Variants in DNAH10 observed in about 807,000 individuals in gnomAD.
The protein encoded by DNAH10 is dynein axonemal heavy chain 10.
A neutral mutation model predicts 506.6 loss-of-function variants in DNAH10; 348 were observed. The observed-to-expected ratio is 0.69, with a 90% CI of 0.63 to 0.75. The LOEUF (loss-of-function observed/expected upper bound fraction) is 0.75, where lower values mean the gene tolerates loss of function less well. Ranked by LOEUF, DNAH10 falls within the 30% of genes least tolerant of loss-of-function variation. DNAH10 has a pLI of 0.00. For synonymous variants in DNAH10, 2,059 were observed against 2,198.6 expected (o/e 0.94, Z 1.78); for missense variants, 5,179 against 5,787.1 (o/e 0.89, Z 3.41).
In DNAH10 at chr12:123,819,159, C is replaced by A. The variant is rs758638573; in HGVS notation, c.3909C>A (p.Gly1303=). 4.5e-5 allele frequency: 72 copies of A among 1,613,066 alleles called. No homozygotes were observed. Among genetic ancestry groups the A allele is most frequent in the Non-Finnish European group, 5.8e-5 (69 of 1,179,614 alleles). Residue 1303 remains glycine, a synonymous_variant, in exon 23 of 79, where the codon GGC becomes GGA. Transcript: ENST00000673944. ...IKRTFTELTR[G]EIMNYRVQIE... ...CTCGTTTTTCTCAGCTTACTCGAGG[C>A]GAAATAATGAACTACAGAGTTCAGA... is the stretch of plus-strand genomic sequence containing the variant.
At chr12:123,867,406 C>G in intron 41 of DNAH10, 61 bp from the exon 42 acceptor site, 1 of 1,547,208 alleles carries the variant, frequency 6.5e-7, no homozygotes, top group Non-Finnish European at 8.7e-7. Context: ...AAAAGCTTTC[C>G]ACTAACTTCC....
At chr12:123,828,212 C>T (rs1960185248) in intron 25 of DNAH10, among the ~76,000 whole-genome samples, 1 of 151,772 alleles carries the variant, frequency 6.6e-6, no homozygotes, top group South Asian at 2.1e-4. Context: ...AAAACAGTCG[C>T]CTGTCTCTGA....
intron 56 of DNAH10, among the ~76,000 whole-genome samples, chr12:123,899,860 G>C (rs112961901): frequency 6.6e-6 from 1 of 152,062 alleles, no homozygotes; most frequent in African/African-American, 2.4e-5. Context: ...TTCTTAACTC[G>C]ACCATCATTA....
Position 123,879,185 on chromosome 12 carries a change from CTGT to C in DNAH10, c.8373-78_8373-76del. The C allele has an allele frequency of 4.1e-6, 5 of 1,224,258 alleles. 1 individual carries two copies. Among genetic ancestry groups the C allele is most frequent in the Admixed American group, 4.1e-5 (2 of 48,444 alleles). The allele number at this position is 1,224,258 out of a possible 1,614,324, so 75.8% of individuals were successfully genotyped here. A position where few individuals can be genotyped will look rare whatever the true frequency, so the allele number is the denominator to read the frequency against. The stretch of plus-strand genomic sequence containing the variant: ...CCTTTATTGCGCTCTGTGTGTCTGT[CTGT>C]CTGAATGTCACAGCCGTCAGCCCTG... On this transcript the variant is annotated intron_variant, in intron 48 of 78. Coordinates refer to ENST00000673944, the MANE Select transcript of DNAH10 (RefSeq NM_001372106.1).
intron 10 of DNAH10, among the ~76,000 whole-genome samples, chr12:123,789,004 CTT>C (rs960706999): frequency 9.8e-4 from 149 of 151,828 alleles, no homozygotes; most frequent in African/African-American, 3.4e-3. Context: ...AATCCCAGCA[CTT>C]TGGGAGGCCA....
At chr12:123,765,045 T>C (rs1416964027) in intron 1 of DNAH10, among the ~76,000 whole-genome samples, 4 of 152,088 alleles carry the variant, frequency 2.6e-5, no homozygotes, top group Admixed American at 2.0e-4. Flanking sequence ...TCAGAGGACC[T>C]GCAGAGAGCC....
At position 123,772,893 on chromosome 12, in the gene DNAH10, C is replaced by T. The variant is rs747117521; in HGVS notation, c.456C>T (p.Pro152=). ...TCCACATGCTCTGTACCCCTCTTCC[C>T]GAGGAGTTCCTGGACCAAAACGTGG... ...MHLHMLCTPL[P]EEFLDQNVVF... Residue 152 remains proline, a synonymous_variant, in exon 4 of 79, where the codon CCC becomes CCT. Coordinates refer to ENST00000673944, the MANE Select transcript of DNAH10 (RefSeq NM_001372106.1). The T allele has an allele frequency of 8.1e-6, 13 of 1,612,918 alleles. No individual in the cohort carries two copies. The highest frequency in any genetic ancestry group is 1.1e-5 in the Non-Finnish European group (13 of 1,179,570).
rs535744707 is a variant in DNAH10, at chr12:123,903,030, G to C, written c.9732G>C (p.Thr3244=). 1.9e-6 allele frequency: 3 copies of C among 1,607,912 alleles called. No individual in the cohort carries two copies. The African/African-American group carries it at 4.0e-5, about 22-fold the overall frequency. ...VIAMEKAEAE[T]TLAEVMPILE... is the part of the protein sequence containing the mutation. ...CCATGGAGAAGGCCGAGGCCGAGACGACCCTGGCAGAGGTCATGCCCATCC... is the reference window on the plus strand; with the variant it reads ...CCATGGAGAAGGCCGAGGCCGAGACCACCCTGGCAGAGGTCATGCCCATCC... The change falls in exon 57 of 79, where the codon ACG becomes ACC. Residue 3244 remains threonine, a synonymous_variant. Coordinates refer to ENST00000673944, the MANE Select transcript of DNAH10 (RefSeq NM_001372106.1). This position sits in a 1 kb window ranked among gnomAD's most constrained non-coding sequence, Gnocchi z 4.6.
At chr12:123,779,810 G>T (rs1957576600) in intron 5 of DNAH10, among the ~76,000 whole-genome samples, 1 of 152,106 alleles carries the variant, frequency 6.6e-6, no homozygotes, top group South Asian at 2.1e-4. Context: ...TCAGTATGTT[G>T]CAGGAAATAC....
chr12:123,768,452 T>C (rs1015852241), intron 2 of DNAH10, among the ~76,000 whole-genome samples: 5 of 152,136 alleles, frequency 3.3e-5, no homozygotes, highest in African/African-American at 1.2e-4. Flanking sequence ...CTCCCTCTTA[T>C]ACAGGCACCA....
chr12:123,803,901 T>TAG, intron 17 of DNAH10, 76 bp downstream of exon 17: 1 of 1,361,352 alleles, frequency 7.3e-7, no homozygotes, highest in Non-Finnish European at 1.0e-6. Context: ...TGTGTATATA[T>TAG]GTACCTATAA....
chr12:123,824,181 C>G lies in DNAH10; in HGVS notation c.4180-2506C>G, dbSNP rs1385064190. 2.0e-5 allele frequency among the ~76,000 whole-genome samples: 3 copies of G among 152,086 alleles called. No homozygotes were observed. In the East Asian group the frequency reaches 5.8e-4, roughly 29 times the overall value. ...TGGTTTGCAGGTAGAGTCAGTGGGA[C>G]CTCCTGGAGGTGTGGATGTGGGATG... is the stretch of plus-strand genomic sequence containing the variant. On this transcript the variant is annotated intron_variant, in intron 24 of 78. Coordinates refer to ENST00000673944, the MANE Select transcript of DNAH10 (RefSeq NM_001372106.1).
intron 28 of DNAH10, among the ~76,000 whole-genome samples, 190 bp downstream of exon 28, chr12:123,835,718 G>C (rs1025474192): frequency 1.3e-5 from 2 of 152,116 alleles, no homozygotes; most frequent in Admixed American, 6.6e-5. Flanking sequence ...TTGAACTTAT[G>C]GGCTAAAGAG....
chr12:123,828,290 TAAAGAA>T (rs1565956470), intron 25 of DNAH10, among the ~76,000 whole-genome samples: 1 of 151,844 alleles, frequency 6.6e-6, no homozygotes, highest in East Asian at 1.9e-4. Context: ...GCGTAAGAAT[TAAAGAA>T]AGAGGAAAGA....
intron 6 of DNAH10, 76 bp from the exon 7 acceptor site, chr12:123,783,031 C>A: frequency 2.1e-6 from 3 of 1,452,726 alleles, no homozygotes; most frequent in South Asian, 1.2e-5. Context: ...GACGACCCAG[C>A]CGGTGAACTT....
rs773121948 is a variant in DNAH10 at position 123,841,438 on chromosome 12, T to C, written c.5253T>C (p.Ala1751=). 1.2e-6 allele frequency: 2 copies of C among 1,613,980 alleles called. No homozygotes were observed. The highest frequency in any genetic ancestry group is 1.1e-5 in the South Asian group (1 of 91,084). The change falls in exon 30 of 79, where the codon GCT becomes GCC. Residue 1751 remains alanine, a synonymous_variant. Transcript: ENST00000673944. ...TGGAGTTTCGGAAGATCTTGCGGGCTGAAGGGCGCGTGGAGGACTGGATGA... is the reference window on the plus strand; with the variant it reads ...TGGAGTTTCGGAAGATCTTGCGGGCCGAAGGGCGCGTGGAGGACTGGATGA... ...EVMEFRKILR[A]EGRVEDWMTA... is the part of the protein sequence containing the mutation.
chr12:123,795,046 G>A (rs1958224336), intron 12 of DNAH10, among the ~76,000 whole-genome samples: 1 of 150,510 alleles, frequency 6.6e-6, no homozygotes, highest in South Asian at 2.1e-4. Flanking sequence ...TACTCAGGAG[G>A]CTGAGGCAGG....
At chr12:123,867,747 G>C in intron 42 of DNAH10, 146 bp downstream of exon 42, 1 of 1,365,288 alleles carries the variant, frequency 7.3e-7, no homozygotes. Context: ...GCTTGCTTTT[G>C]TGCAAGTCAA....
intron 52 of DNAH10, 145 bp from the exon 53 acceptor site, chr12:123,893,088 G>A: frequency 1.2e-6 from 1 of 817,260 alleles, no homozygotes; most frequent in South Asian, 1.7e-5. Context: ...GTGGCAGGGA[G>A]CCTCGGGTCT....
Sources: allele counts gnomAD v4.1 joint callset (sites outside exome capture counted in the v4.1 genomes callset), GRCh38; gene constraint gnomAD v4.1.1; non-coding constraint Gnocchi (gnomAD v3.1); transcripts MANE v1.5; gene names NCBI Gene and HGNC (gene_info 2026-07-23, HGNC 2026-07-21).